Variants in INPP5F observed in about 807,000 individuals in gnomAD.
INPP5F encodes phosphatidylinositide 4-phosphatase SAC2.
A neutral mutation model predicts 137.2 loss-of-function variants in INPP5F; 97 were observed. The observed-to-expected ratio is 0.71, with a 90% CI of 0.60 to 0.84. The LOEUF is 0.84. INPP5F is among the 40% of genes least tolerant of loss of function. The pLI is 0.00. For missense variants in INPP5F, 1,271 were observed against 1,371.9 expected (o/e 0.93, Z 1.16); for synonymous variants, 504 against 476.9 (o/e 1.06, Z -0.74).
intron 12 of INPP5F, 93 bp downstream of exon 12, chr10:119,806,573 A>G (rs981561295): frequency 2.5e-6 from 3 of 1,199,688 alleles, no homozygotes; most frequent in African/African-American, 1.5e-5. Context: ...TCAAATGTCA[A>G]ATATTCTTTA....
At chr10:119,743,570 G>T (rs992953315) in intron 1 of INPP5F, among the ~76,000 whole-genome samples, 1 of 150,352 alleles carries the variant, frequency 6.7e-6, no homozygotes, top group African/African-American at 2.4e-5. Context: ...AGAATGAAGG[G>T]CAGGCAGAAG....
In INPP5F at chr10:119,774,609, C is replaced by T. The variant is rs560263741; in HGVS notation, c.179-7026C>T. Reference sequence around the variant, plus strand: ...TTGGCCTCCCAAAGTGCTGGAAGTACCACTCCCGACCTAGACATTTCTTAA... The same window carrying T: ...TTGGCCTCCCAAAGTGCTGGAAGTATCACTCCCGACCTAGACATTTCTTAA... On this transcript the variant is annotated intron_variant, in intron 2 of 19. Coordinates refer to ENST00000650623, the MANE Select transcript of INPP5F (RefSeq NM_014937.4). Among the ~76,000 whole-genome samples, 179 of 151,924 alleles carry T rather than the reference C, an allele frequency of 1.2e-3. 1 individual carries two copies. The highest frequency in any genetic ancestry group is 1.9e-3 in the Non-Finnish European group (129 of 67,974).
intron 3 of INPP5F, among the ~76,000 whole-genome samples, chr10:119,785,819 A>G (rs1473018367): frequency 6.6e-6 from 1 of 152,168 alleles, no homozygotes; most frequent in African/African-American, 2.4e-5. Context: ...TGATTGCACC[A>G]CAGCACTCTA....
intron 1 of INPP5F, 41 bp from the exon 2 acceptor site, chr10:119,751,034 CT>C (rs779669373): frequency 8.3e-7 from 1 of 1,207,292 alleles, no homozygotes; most frequent in Non-Finnish European, 1.2e-6. Flanking sequence ...AATATATTTT[CT>C]GGTGAATGTT....
At chr10:119,759,118 A>C (rs1415729697) in intron 2 of INPP5F, among the ~76,000 whole-genome samples, 2 of 152,194 alleles carry the variant, frequency 1.3e-5, no homozygotes, top group Non-Finnish European at 2.9e-5. Context: ...CAAGCCTTTT[A>C]GTTATTGCTT....
intron 1 of INPP5F, among the ~76,000 whole-genome samples, chr10:119,727,772 A>T (rs2134093812): frequency 6.6e-6 from 1 of 152,284 alleles, no homozygotes; most frequent in African/African-American, 2.4e-5. Context: ...GGATAGGCTA[A>T]TTTTGGCCAG....
chr10:119,734,873 T>C (rs561906798), intron 1 of INPP5F, among the ~76,000 whole-genome samples: 40 of 152,142 alleles, frequency 2.6e-4, no homozygotes, highest in Non-Finnish European at 5.1e-4. Flanking sequence ...GAGCCTTTAG[T>C]CAATCTAAGT....
intron 1 of INPP5F, among the ~76,000 whole-genome samples, chr10:119,731,467 C>G (rs1320821991): frequency 6.6e-6 from 1 of 152,086 alleles, no homozygotes; most frequent in Admixed American, 6.5e-5. Flanking sequence ...AGTTCAAGAC[C>G]AGCCTAGCCA....
In INPP5F at chr10:119,748,141, A is replaced by C. The variant is rs1848592824; in HGVS notation, c.98-2935A>C. Among the ~76,000 whole-genome samples, 1 of 152,220 alleles carries C rather than the reference A, an allele frequency of 6.6e-6. No individual in the cohort carries two copies. The highest frequency in any genetic ancestry group is 6.5e-5 in the Admixed American group (1 of 15,288). ...GTATGAGCGAGCGTGCACGGTCCAG[A>C]CACTATGCACAGCCAGGTGTGCCAG... On this transcript the variant is annotated intron_variant, in intron 1 of 19. Coordinates refer to ENST00000650623, the MANE Select transcript of INPP5F (RefSeq NM_014937.4). This position sits in a 1 kb window ranked among gnomAD's most constrained non-coding sequence, Gnocchi z 4.7.
At chr10:119,753,666 C>G (rs773518501) in intron 2 of INPP5F, among the ~76,000 whole-genome samples, 7 of 152,250 alleles carry the variant, frequency 4.6e-5, no homozygotes, top group Middle Eastern at 3.4e-3. Context: ...TACCAGTGTT[C>G]AAGGGCCTGT....
In INPP5F at chr10:119,726,278, GCCAAGGA is replaced by G; in HGVS notation, c.20_26del (p.Lys7ThrfsTer40). On this transcript the variant is annotated frameshift_variant, in exon 1 of 20. Coordinates refer to ENST00000650623, the MANE Select transcript of INPP5F (RefSeq NM_014937.4). LOFTEE classifies it high-confidence loss of function. ...CGGGGCCAGCATGGAGCTCTTCCAA[GCCAAGGA>G]CCACTACATCCTGCAGCAGGGCGAG... 1 of 1,489,562 alleles carries G rather than the reference GCCAAGGA, an allele frequency of 6.7e-7. No homozygotes were observed. Among genetic ancestry groups the G allele is most frequent in the Non-Finnish European group, 8.9e-7 (1 of 1,119,408 alleles). 92.3% of individuals were successfully genotyped at this position (1,489,562 alleles called of 1,614,324 possible). A position where few individuals can be genotyped will look rare whatever the true frequency, so the allele number is the denominator to read the frequency against.
chr10:119,817,581 C>T (rs1325500966), intron 15 of INPP5F, among the ~76,000 whole-genome samples: 6 of 152,096 alleles, frequency 3.9e-5, no homozygotes, highest in Admixed American at 2.6e-4. Flanking sequence ...TTGCATTTCC[C>T]TGATGACAAA....
At chr10:119,741,296 A>G (rs146888182) in intron 1 of INPP5F, among the ~76,000 whole-genome samples, 259 of 152,154 alleles carry the variant, frequency 1.7e-3, no homozygotes, top group African/African-American at 6.0e-3. Context: ...TCTATCTCAA[A>G]TCCAAATCTG....
intron 2 of INPP5F, among the ~76,000 whole-genome samples, chr10:119,769,401 G>A (rs965065069): frequency 5.9e-5 from 9 of 152,084 alleles, no homozygotes; most frequent in African/African-American, 2.2e-4. Context: ...CTGAGTAGCT[G>A]GGACTGCAGG....
Position 119,748,201 on chromosome 10 carries a change from A to G in INPP5F, c.98-2875A>G, listed in dbSNP as rs1200130945. Among the ~76,000 whole-genome samples the G allele has an allele frequency of 6.6e-6, 1 of 152,228 alleles. No homozygotes were observed. The highest frequency in any genetic ancestry group is 1.5e-5 in the Non-Finnish European group (1 of 68,040). Reference sequence around the variant, plus strand: ...GGCAGGCAGCTCCAGGCACCGGTACAGGCACTGGCTTTGTGCAAGGCTGTG... The same window carrying G: ...GGCAGGCAGCTCCAGGCACCGGTACGGGCACTGGCTTTGTGCAAGGCTGTG... On this transcript the variant is annotated intron_variant, in intron 1 of 19. Coordinates refer to ENST00000650623, the MANE Select transcript of INPP5F (RefSeq NM_014937.4). The surrounding 1 kb of genome is among the most constrained non-coding windows in gnomAD (Gnocchi z 4.7).
rs768499612 is a variant in INPP5F, at chr10:119,826,875, G to A, written c.2494G>A (p.Glu832Lys). 3.7e-6 allele frequency: 6 copies of A among 1,614,108 alleles called. No homozygotes were observed. Among genetic ancestry groups the A allele is most frequent in the Non-Finnish European group, 5.1e-6 (6 of 1,179,992 alleles). ...TCTTTGGAAATCAGATAGTAGTCTT[G>A]AAACTATGGAAAACACAGGAGTGAT... The part of the protein sequence containing the change: ...VNLWKSDSSL[E>K]TMENTGVMDK... The change falls in exon 20 of 20, where the codon GAA becomes AAA. Residue 832 changes from glutamate (E) to lysine (K), a missense_variant. By Grantham distance (56) the Glu-to-Lys change is moderately conservative. Transcript: ENST00000650623.
intron 2 of INPP5F, among the ~76,000 whole-genome samples, chr10:119,756,867 A>C (rs1185709109): frequency 6.9e-6 from 1 of 145,648 alleles, no homozygotes; most frequent in African/African-American, 2.6e-5. Context: ...CTCTGCCACA[A>C]AAAAAAAAAA....
chr10:119,796,468 A>G (rs1247523888), intron 6 of INPP5F, among the ~76,000 whole-genome samples: 1 of 152,250 alleles, frequency 6.6e-6, no homozygotes, highest in Non-Finnish European at 1.5e-5. Context: ...CAGTGAGTTA[A>G]TAAATGGTGA....
chr10:119,795,717 CAAGGCAGGCTGCTGGGAGGTGGA>C (rs1361649310), intron 6 of INPP5F, among the ~76,000 whole-genome samples: 36 of 152,282 alleles, frequency 2.4e-4, no homozygotes, highest in African/African-American at 8.2e-4. Flanking sequence ...TTTGGGAGGC[CAAGGCAGGCTGCTGGGAGGTGGA>C]GGTTGTAGCC....
Sources: gnomAD v4.1 joint callset for allele counts (sites outside exome capture counted in the v4.1 genomes callset) on GRCh38, gnomAD v4.1.1 for gene constraint, Gnocchi (gnomAD v3.1) non-coding constraint, MANE v1.5 for transcripts, NCBI Gene and HGNC (gene_info 2026-07-23, HGNC 2026-07-21) for gene names.